The following CDC42BPA variants were observed in gnomAD, a reference collection of about 807,000 sequenced individuals.
CDC42BPA encodes the protein serine/threonine-protein kinase MRCK alpha.
In CDC42BPA, 80 loss-of-function variants were observed where a neutral mutation model predicts 223.5. That is an observed-to-expected ratio of 0.36 (90% CI 0.30 to 0.43). The LOEUF (loss-of-function observed/expected upper bound fraction) is 0.43, where lower values mean the gene tolerates loss of function less well. Among genes scored for constraint, CDC42BPA ranks in the 20% least tolerant of loss-of-function variants. The pLI, the probability that CDC42BPA is intolerant of heterozygous loss-of-function variation, is 1.00. For synonymous variants in CDC42BPA, 694 were observed against 718.6 expected, an observed-to-expected ratio of 0.97 and a Z score of 0.55; for missense variants, 1,743 against 2,099.9, an observed-to-expected ratio of 0.83 and a Z score of 3.32.
At chr1:227,115,764 T>C (rs1453888696) in intron 12 of CDC42BPA, among the ~76,000 whole-genome samples, 1 of 152,028 alleles carries the variant, frequency 6.6e-6, no homozygotes, top group African/African-American at 2.4e-5. Context: ...TATTGAAAAT[T>C]TTAAAAGATA....
chr1:227,183,712 C>T (rs1226013626), intron 5 of CDC42BPA, among the ~76,000 whole-genome samples: 1 of 152,172 alleles, frequency 6.6e-6, no homozygotes, highest in African/African-American at 2.4e-5. Context: ...GATAAATGCT[C>T]AAGAATGTAA....
chr1:227,177,736 T>A (rs1022359858), intron 5 of CDC42BPA, among the ~76,000 whole-genome samples: 5 of 152,170 alleles, frequency 3.3e-5, no homozygotes, highest in Admixed American at 2.6e-4. Flanking sequence ...GGAGCTATTA[T>A]TCTTTTCTGT....
At chr1:227,298,018 T>C (rs1163328187) in intron 1 of CDC42BPA, among the ~76,000 whole-genome samples, 1 of 147,028 alleles carries the variant, frequency 6.8e-6, no homozygotes, top group Non-Finnish European at 1.5e-5. Context: ...ACATAATATA[T>C]ACATACATAA....
intron 31 of CDC42BPA, among the ~76,000 whole-genome samples, chr1:227,024,005 C>A (rs1441529669): frequency 6.6e-6 from 1 of 152,118 alleles, no homozygotes; most frequent in Non-Finnish European, 1.5e-5. Context: ...CATTTAACTA[C>A]ATTAAAATTA....
intron 6 of CDC42BPA, among the ~76,000 whole-genome samples, chr1:227,150,254 T>C (rs893556520): frequency 1.4e-5 from 2 of 147,410 alleles, no homozygotes; most frequent in Non-Finnish European, 3.0e-5. Flanking sequence ...AAACAAAAAG[T>C]ACTCAGAAGA....
rs1182907353 is a variant in CDC42BPA, at chr1:227,029,266, A to G, written c.3839-16T>C. ...CTAATAATTTCTAAACACAGAAAGA[A>G]TAATAAATCAAAATATAGTTTTATT... is the stretch of plus-strand genomic sequence containing the variant. On this transcript the variant is annotated splice_polypyrimidine_tract_variant and intron_variant, in intron 29 of 36. Coordinates refer to ENST00000366766, the MANE Select transcript of CDC42BPA (RefSeq NM_001394014.1). 3.4e-6 allele frequency: 5 copies of G among 1,461,890 alleles called. No homozygotes were observed. The South Asian group carries it at 6.3e-5, about 18-fold the overall frequency. 90.6% of individuals were successfully genotyped at this position (1,461,890 alleles called of 1,614,324 possible). A position where few individuals can be genotyped will look rare whatever the true frequency, so the allele number is the denominator to read the frequency against.
chr1:227,216,011 A>G (rs1246920811), intron 2 of CDC42BPA, among the ~76,000 whole-genome samples: 2 of 152,196 alleles, frequency 1.3e-5, no homozygotes, highest in Non-Finnish European at 2.9e-5. Context: ...CAGAAAAATT[A>G]CTCATACACT....
intron 5 of CDC42BPA, among the ~76,000 whole-genome samples, chr1:227,185,777 G>A (rs554776055): frequency 1.2e-3 from 186 of 148,934 alleles, no homozygotes; most frequent in Non-Finnish European, 2.3e-3. Flanking sequence ...TTCAACTTAA[G>A]AGGAAGAATC....
intron 34 of CDC42BPA, among the ~76,000 whole-genome samples, chr1:227,015,207 G>A (rs893452614): frequency 2.0e-4 from 30 of 151,850 alleles, no homozygotes; most frequent in Admixed American, 4.6e-4. Context: ...TGGGTGGACC[G>A]CAAGGTCAGG....
chr1:227,242,016 C>G (rs1251991547), intron 2 of CDC42BPA, among the ~76,000 whole-genome samples: 1 of 152,010 alleles, frequency 6.6e-6, no homozygotes, highest in Non-Finnish European at 1.5e-5. Context: ...AGACAAAGGC[C>G]AATCTGTCTC....
chr1:227,109,512 T>C (rs764362845), intron 14 of CDC42BPA, among the ~76,000 whole-genome samples: 12 of 151,944 alleles, frequency 7.9e-5, no homozygotes, highest in Admixed American at 4.6e-4. Context: ...ATTACAGGCA[T>C]GCGCCACCAC....
intron 23 of CDC42BPA, 104 bp from the exon 24 acceptor site, chr1:227,040,340 A>C (rs920047641): frequency 3.8e-5 from 25 of 665,778 alleles, no homozygotes; most frequent in Non-Finnish European, 6.1e-5. Context: ...CTAAATAGGA[A>C]TAGAATGAAT....
At chr1:227,031,207 C>A in intron 28 of CDC42BPA, 91 bp downstream of exon 28, 1 of 917,780 alleles carries the variant, frequency 1.1e-6, no homozygotes, top group South Asian at 1.5e-5. Flanking sequence ...GTATGTTGGA[C>A]ACTGGGGATT....
chr1:227,194,501 A>G (rs1317179498), intron 4 of CDC42BPA, among the ~76,000 whole-genome samples: 1 of 152,242 alleles, frequency 6.6e-6, no homozygotes, highest in African/African-American at 2.4e-5. Flanking sequence ...TACTGTAAAA[A>G]TATCAGAATG....
chr1:227,251,922 ATT>A (rs915185301), intron 2 of CDC42BPA, among the ~76,000 whole-genome samples: 17 of 152,096 alleles, frequency 1.1e-4, no homozygotes, highest in African/African-American at 4.1e-4. Context: ...ATGTTTAGAA[ATT>A]TTTTTAATGA....
chr1:227,061,560 T>C lies in CDC42BPA; in HGVS notation c.2904+8217A>G, dbSNP rs191478811. Among the ~76,000 whole-genome samples, 1,258 of 152,252 alleles carry C rather than the reference T, an allele frequency of 8.3e-3. 4 individuals carry two copies. Among genetic ancestry groups the C allele is most frequent in the Non-Finnish European group, 0.012 (788 of 68,006 alleles). ...CGTCTGTATTTTCTAAACTCCCAAT[T>C]AACTTCTAATACAGTGCAATTCAGA... On this transcript the variant is annotated intron_variant, in intron 21 of 36. Coordinates refer to ENST00000366766, the MANE Select transcript of CDC42BPA (RefSeq NM_001394014.1).
intron 1 of CDC42BPA, among the ~76,000 whole-genome samples, chr1:227,290,883 T>C (rs1228349530): frequency 1.3e-5 from 2 of 152,138 alleles, no homozygotes; most frequent in South Asian, 2.1e-4. Context: ...AGCTTTACTA[T>C]AGCACTAAAA....
intron 30 of CDC42BPA, among the ~76,000 whole-genome samples, chr1:227,027,668 A>T (rs998129031): frequency 1.3e-5 from 2 of 152,194 alleles, no homozygotes; most frequent in African/African-American, 2.4e-5. Context: ...CTCTACTGCA[A>T]CTACTTGCTT....
chr1:227,236,701 C>T (rs1453958111), intron 2 of CDC42BPA, among the ~76,000 whole-genome samples: 1 of 152,140 alleles, frequency 6.6e-6, no homozygotes, highest in African/African-American at 2.4e-5. Flanking sequence ...AACCCTGCCC[C>T]TACAGCCCTA....
Sources: gnomAD v4.1 joint callset for allele counts (sites outside exome capture counted in the v4.1 genomes callset) on GRCh38, gnomAD v4.1.1 for gene constraint, MANE v1.5 for transcripts, NCBI Gene and HGNC (gene_info 2026-07-23, HGNC 2026-07-21) for gene names.